The following RBFOX1 variants were observed in gnomAD, a reference collection of about 807,000 sequenced individuals.
RBFOX1 encodes the protein RNA binding protein fox-1 homolog 1.
RBFOX1 carries 8 observed loss-of-function variants against 57.7 expected under a neutral mutation model. That is an observed-to-expected ratio of 0.14 (90% CI 0.08 to 0.25). The LOEUF is 0.25. Ranked by LOEUF, RBFOX1 falls within the 10% of genes least tolerant of loss-of-function variation. The pLI is 1.00. For missense variants in RBFOX1, 611 were observed against 548.5 expected, an observed-to-expected ratio of 1.11 and a Z score of -1.14; for synonymous variants, 326 against 222.4, an observed-to-expected ratio of 1.47 and a Z score of -4.15.
intron 1 of RBFOX1, among the ~76,000 whole-genome samples, chr16:5,338,538 C>G (rs1235344821): frequency 1.3e-5 from 2 of 152,188 alleles, no homozygotes; most frequent in African/African-American, 4.8e-5. Flanking sequence ...CCAGCTTTAT[C>G]TTCCAGTTCC....
At chr16:6,577,094 C>G (rs1427331608) in intron 2 of RBFOX1, 2 of 152,208 alleles carry the variant, frequency 1.3e-5, no homozygotes, top group African/African-American at 2.4e-5. Context: ...CCCCAATCCT[C>G]TGATGAACAT....
chr16:7,265,997 G>C (rs1163267599), intron 4 of RBFOX1, among the ~76,000 whole-genome samples: 1 of 128,290 alleles, frequency 7.8e-6, no homozygotes, highest in African/African-American at 3.0e-5. Context: ...TTTTCTGAGA[G>C]GGAGTCTTGC....
chr16:5,352,914 G>T (rs1015448749), intron 1 of RBFOX1, among the ~76,000 whole-genome samples: 1 of 152,170 alleles, frequency 6.6e-6, no homozygotes, highest in African/African-American at 2.4e-5. Context: ...CTGTGCTCCA[G>T]CCTGGGTGAT....
chr16:6,609,975 T>A (rs529331147), intron 2 of RBFOX1, among the ~76,000 whole-genome samples: 1 of 151,702 alleles, frequency 6.6e-6, no homozygotes, highest in African/African-American at 2.4e-5. Flanking sequence ...GCCATTGCAC[T>A]CCAGGCCTGG....
intron 4 of RBFOX1, among the ~76,000 whole-genome samples, chr16:5,980,642 G>A (rs758470439): frequency 2.6e-5 from 4 of 152,092 alleles, no homozygotes; most frequent in Non-Finnish European, 5.9e-5. Flanking sequence ...ATAATTTTAG[G>A]TAAGACACTG....
At chr16:5,427,293 C>A (rs1280991111) in intron 1 of RBFOX1, among the ~76,000 whole-genome samples, 5 of 152,170 alleles carry the variant, frequency 3.3e-5, no homozygotes, top group African/African-American at 4.8e-5. Flanking sequence ...AAGTCTAAAA[C>A]CTGCAACGTG....
At position 6,097,608 on chromosome 16, in the gene RBFOX1, A is replaced by T. The variant is rs1282127857; in HGVS notation, c.-127+77616A>T. The stretch of plus-strand genomic sequence containing the variant: ...CACTTTCATTATTCTCATTTCACAG[A>T]TGAGAAAAATGAGTCAGTAGGAGGA... On this transcript the variant is annotated intron_variant, in intron 1 of 15. Coordinates refer to ENST00000550418, the MANE Select transcript of RBFOX1 (RefSeq NM_018723.4). This position sits in a 1 kb window ranked among gnomAD's most constrained non-coding sequence, Gnocchi z 5.0. Among the ~76,000 whole-genome samples the T allele has an allele frequency of 6.6e-6, 1 of 152,186 alleles. No homozygotes were observed. Among genetic ancestry groups the T allele is most frequent in the East Asian group, 1.9e-4 (1 of 5,178 alleles).
chr16:7,661,718 G>A (rs988424627), intron 12 of RBFOX1, among the ~76,000 whole-genome samples: 1 of 152,174 alleles, frequency 6.6e-6, no homozygotes, highest in Non-Finnish European at 1.5e-5. Flanking sequence ...TAGTAGTTGG[G>A]GTACAGGAAA....
intron 2 of RBFOX1, among the ~76,000 whole-genome samples, chr16:6,553,689 G>C (rs1239582790): frequency 6.6e-6 from 1 of 152,150 alleles, no homozygotes; most frequent in African/African-American, 2.4e-5. Flanking sequence ...TTGTTTTAAG[G>C]ATGGGCCACT....
At chr16:5,964,926 A>G (rs78119447) in intron 4 of RBFOX1, among the ~76,000 whole-genome samples, 4,613 of 152,242 alleles carry the variant, frequency 0.03, 264 homozygotes, top group African/African-American at 0.1. Flanking sequence ...GTGTGTTTGC[A>G]TGCGTATACA....
At chr16:7,215,214 T>C (rs1567739415) in intron 4 of RBFOX1, among the ~76,000 whole-genome samples, 1 of 152,218 alleles carries the variant, frequency 6.6e-6, no homozygotes, top group South Asian at 2.1e-4. Flanking sequence ...GCTTCATCCG[T>C]GTCTCCAAGT....
At chr16:5,861,286 G>C (rs1436383) in intron 3 of RBFOX1, among the ~76,000 whole-genome samples, 122,338 of 152,160 alleles carry the variant, frequency 0.8, 49,699 homozygotes, top group Middle Eastern at 0.85. Context: ...TTACACCCCC[G>C]TGCCACACAG....
intron 1 of RBFOX1, among the ~76,000 whole-genome samples, chr16:5,439,239 T>C (rs555920802): frequency 8.0e-4 from 122 of 152,034 alleles, no homozygotes; most frequent in African/African-American, 2.8e-3. Flanking sequence ...CAGGAAGGGA[T>C]AGAATCTTGG....
At chr16:6,758,432 A>G (rs1346451097) in intron 3 of RBFOX1, among the ~76,000 whole-genome samples, 1 of 152,188 alleles carries the variant, frequency 6.6e-6, no homozygotes, top group Non-Finnish European at 1.5e-5. Flanking sequence ...TAGAGTTGAC[A>G]AATTACAATT....
At chr16:6,395,095 C>G (rs76198331) in intron 2 of RBFOX1, among the ~76,000 whole-genome samples, 3,769 of 152,278 alleles carry the variant, frequency 0.025, 310 homozygotes, top group East Asian at 0.2. Context: ...TCACAAGACT[C>G]TGACCATGTC....
At chr16:6,075,167 G>A (rs188912448) in intron 1 of RBFOX1, among the ~76,000 whole-genome samples, 241 of 152,278 alleles carry the variant, frequency 1.6e-3, no homozygotes, top group Middle Eastern at 6.8e-3. Flanking sequence ...CTTGAACAAC[G>A]TCAGACACGA....
chr16:6,175,319 G>A (rs72774566), intron 1 of RBFOX1, among the ~76,000 whole-genome samples: 5,289 of 152,296 alleles, frequency 0.035, 132 homozygotes, highest in Admixed American at 0.077. Flanking sequence ...GTTAATAGGA[G>A]TGCTGAGTTA....
At chr16:6,256,431 C>T (rs368491042) in intron 1 of RBFOX1, among the ~76,000 whole-genome samples, 9 of 150,878 alleles carry the variant, frequency 6.0e-5, no homozygotes, top group South Asian at 4.2e-4. Flanking sequence ...CCTGACCCTT[C>T]GAGAGCAGAG....
At chr16:6,900,674 C>T (rs900823614) in intron 3 of RBFOX1, among the ~76,000 whole-genome samples, 1 of 152,206 alleles carries the variant, frequency 6.6e-6, no homozygotes, top group Non-Finnish European at 1.5e-5. Flanking sequence ...ACCAACATCA[C>T]TATTCATTCT....
Sources: allele counts gnomAD v4.1 joint callset (sites outside exome capture counted in the v4.1 genomes callset), GRCh38; gene constraint gnomAD v4.1.1; non-coding constraint Gnocchi (gnomAD v3.1); transcripts MANE v1.5; gene names NCBI Gene and HGNC (gene_info 2026-07-23, HGNC 2026-07-21).